The following CREB5 variants were observed in gnomAD, a reference collection of about 807,000 sequenced individuals.
CREB5 encodes cAMP responsive element binding protein 5, also known as cyclic AMP-responsive element-binding protein 5.
Under a neutral mutation model 57.1 loss-of-function variants are expected in CREB5, and 19 were observed. The ratio of observed to expected loss-of-function variants is 0.33; its 90% confidence interval spans 0.23 to 0.49. CREB5 has a LOEUF of 0.49. Among genes scored for constraint, CREB5 ranks in the 20% least tolerant of loss-of-function variants. The pLI is 0.99. For synonymous variants in CREB5, 238 were observed against 238.3 expected, an observed-to-expected ratio of 1.00 and a Z score of 0.01; for missense variants, 579 against 671.6, an observed-to-expected ratio of 0.86 and a Z score of 1.52.
At chr7:28,537,015 A>G (rs961918439) in intron 4 of CREB5, among the ~76,000 whole-genome samples, 5 of 152,214 alleles carry the variant, frequency 3.3e-5, no homozygotes, top group African/African-American at 1.2e-4. Context: ...ACATACCACA[A>G]TTGTGCTGGA....
rs1809933112 is a variant in CREB5 at position 28,824,094 on chromosome 7, T to C, written c.*4815T>C. On this transcript the variant is annotated 3_prime_UTR_variant, in exon 11 of 11. Transcript: ENST00000357727. Reference sequence around the variant, plus strand: ...CTCTGAGCGGCATCATTTAAAATACTTTACAGATATTTGCACCAGGTACAT... The same window carrying C: ...CTCTGAGCGGCATCATTTAAAATACCTTACAGATATTTGCACCAGGTACAT... 6.6e-6 allele frequency: 1 copy of C among 152,344 alleles called. No homozygotes were observed. The highest frequency in any genetic ancestry group is 1.5e-5 in the Non-Finnish European group (1 of 68,000). The allele number at this position is 152,344 out of a possible 1,614,324, so 9.4% of individuals were successfully genotyped here. A position where few individuals can be genotyped will look rare whatever the true frequency, so the allele number is the denominator to read the frequency against.
intron 1 of CREB5, among the ~76,000 whole-genome samples, chr7:28,376,304 C>T (rs1425737627): frequency 7.2e-6 from 1 of 138,560 alleles, no homozygotes; most frequent in African/African-American, 2.6e-5. Flanking sequence ...CGGAGTCTTG[C>T]TCTGTCACCC....
intron 1 of CREB5, among the ~76,000 whole-genome samples, chr7:28,376,937 C>G (rs1450087489): frequency 6.6e-6 from 1 of 152,164 alleles, no homozygotes; most frequent in African/African-American, 2.4e-5. Flanking sequence ...GTTGATGATT[C>G]AAACAATTTC....
At chr7:28,538,061 T>TTTTC (rs1794041906) in intron 4 of CREB5, among the ~76,000 whole-genome samples, 1 of 129,450 alleles carries the variant, frequency 7.7e-6, no homozygotes, top group Admixed American at 8.2e-5. Flanking sequence ...GTTTTGTTTT[T>TTTTC]ATTTTTGTTT....
chr7:28,605,944 G>A (rs1404493723), intron 5 of CREB5, among the ~76,000 whole-genome samples: 1 of 152,168 alleles, frequency 6.6e-6, no homozygotes, highest in Non-Finnish European at 1.5e-5. Flanking sequence ...TTATCATGCT[G>A]GTGGTTTCAT....
intron 4 of CREB5, among the ~76,000 whole-genome samples, chr7:28,564,690 G>A (rs759607539): frequency 1.3e-5 from 2 of 152,158 alleles, no homozygotes; most frequent in African/African-American, 2.4e-5. Flanking sequence ...GAGAAATTTC[G>A]GTGAAGATCG....
At chr7:28,646,817 C>T (rs546710827) in intron 5 of CREB5, among the ~76,000 whole-genome samples, 11 of 151,942 alleles carry the variant, frequency 7.2e-5, no homozygotes, top group Admixed American at 3.3e-4. Context: ...TGGGCTGCCA[C>T]CATTATTTAT....
At chr7:28,573,866 A>G (rs1052961639) in intron 5 of CREB5, among the ~76,000 whole-genome samples, 1 of 152,204 alleles carries the variant, frequency 6.6e-6, no homozygotes, top group Non-Finnish European at 1.5e-5. Flanking sequence ...AGTAATGTTA[A>G]AAGGAAGTAG....
chr7:28,662,480 G>C (rs1799648952), intron 5 of CREB5, among the ~76,000 whole-genome samples: 2 of 152,162 alleles, frequency 1.3e-5, no homozygotes, highest in Admixed American at 1.3e-4. Flanking sequence ...AACTTGGCCC[G>C]CTCAAACCCG....
chr7:28,426,455 T>A (rs1257391265), intron 1 of CREB5, among the ~76,000 whole-genome samples: 1 of 152,218 alleles, frequency 6.6e-6, no homozygotes, highest in South Asian at 2.1e-4. Context: ...CTCAGCCACA[T>A]CCTTGTAGGT....
chr7:28,443,764 G>A (rs553443049), intron 1 of CREB5, among the ~76,000 whole-genome samples: 2 of 152,160 alleles, frequency 1.3e-5, no homozygotes, highest in South Asian at 4.2e-4. Context: ...CCCACCTTAT[G>A]GCTAATTATA....
At chr7:28,455,365 G>T (rs1790047236) in intron 1 of CREB5, among the ~76,000 whole-genome samples, 1 of 152,136 alleles carries the variant, frequency 6.6e-6, no homozygotes, top group Admixed American at 6.5e-5. Flanking sequence ...AAGGTGGGAG[G>T]CTCAGAAATT....
At chr7:28,587,075 G>C (rs963447964) in intron 5 of CREB5, among the ~76,000 whole-genome samples, 1 of 152,224 alleles carries the variant, frequency 6.6e-6, no homozygotes, top group Admixed American at 6.5e-5. Context: ...ACAAAAGGTG[G>C]ATTGTTACAT....
At chr7:28,757,865 G>C (rs1204701612) in intron 7 of CREB5, among the ~76,000 whole-genome samples, 3 of 152,116 alleles carry the variant, frequency 2.0e-5, no homozygotes, top group Non-Finnish European at 2.9e-5. Flanking sequence ...AAATCCTCCA[G>C]TGAGCATCTC....
chr7:28,806,598 A>G (rs1411881963), intron 8 of CREB5, among the ~76,000 whole-genome samples: 1 of 152,214 alleles, frequency 6.6e-6, no homozygotes, highest in African/African-American at 2.4e-5. Context: ...TACCAGGTAT[A>G]CAAATTCTGG....
At chr7:28,565,987 T>A (rs1294975003) in intron 4 of CREB5, among the ~76,000 whole-genome samples, 2 of 152,180 alleles carry the variant, frequency 1.3e-5, no homozygotes, top group African/African-American at 4.8e-5. Flanking sequence ...TTGCAAATAT[T>A]TTAAAGCAGT....
At chr7:28,720,344 C>T (rs1485655450) in intron 6 of CREB5, among the ~76,000 whole-genome samples, 6 of 152,216 alleles carry the variant, frequency 3.9e-5, no homozygotes, top group Admixed American at 1.3e-4. Context: ...TTTATTCTCA[C>T]AGCAATCCTG....
At chr7:28,313,011 C>A (rs1785309819) in intron 1 of CREB5, among the ~76,000 whole-genome samples, 1 of 152,160 alleles carries the variant, frequency 6.6e-6, no homozygotes, top group Non-Finnish European at 1.5e-5. Flanking sequence ...TATTCTTGAC[C>A]AGTGGTAGTT....
chr7:28,355,406 A>G (rs1786320048), intron 1 of CREB5, among the ~76,000 whole-genome samples: 1 of 148,394 alleles, frequency 6.7e-6, no homozygotes, highest in Non-Finnish European at 1.5e-5. Context: ...AGTAGAGAGA[A>G]TCATGAAATT....
Sources: allele counts gnomAD v4.1 joint callset (sites outside exome capture counted in the v4.1 genomes callset), GRCh38; gene constraint gnomAD v4.1.1; transcripts MANE v1.5; gene names NCBI Gene and HGNC (gene_info 2026-07-23, HGNC 2026-07-21).